ACER3: variants seen among roughly 807,000 people sequenced by gnomAD.
ACER3 encodes the protein alkCDase 3.
Under a neutral mutation model 48.9 loss-of-function variants are expected in ACER3, and 16 were observed. The ratio of observed to expected loss-of-function variants is 0.33; its 90% CI spans 0.22 to 0.50. The LOEUF is 0.50. Ranked by LOEUF, ACER3 falls within the 20% of genes least tolerant of loss-of-function variation. The pLI is 0.98. For missense variants in ACER3, 227 were observed against 326.0 expected (o/e 0.70, Z 2.34); for synonymous variants, 109 against 107.8 (o/e 1.01, Z -0.07).
intron 1 of ACER3, among the ~76,000 whole-genome samples, chr11:76,879,464 G>A (rs984264306): frequency 6.6e-6 from 1 of 152,136 alleles, no homozygotes; most frequent in Non-Finnish European, 1.5e-5. Context: ...AGGACCTCCA[G>A]GGCAATGTTG....
chr11:76,918,374 G>A (rs527476497), intron 1 of ACER3, among the ~76,000 whole-genome samples: 3 of 151,780 alleles, frequency 2.0e-5, no homozygotes, highest in South Asian at 2.1e-4. Flanking sequence ...TAAGCTTAGC[G>A]TGAACCAGTG....
chr11:76,867,494 A>AAG (rs1945125367), intron 1 of ACER3, among the ~76,000 whole-genome samples: 1 of 39,868 alleles, frequency 2.5e-5, no homozygotes, highest in African/African-American at 5.0e-5. Flanking sequence ...AAAAAAAAAA[A>AAG]AAAGAAAGAA....
intron 1 of ACER3, among the ~76,000 whole-genome samples, chr11:76,901,662 G>A (rs1946086141): frequency 6.6e-6 from 1 of 152,188 alleles, no homozygotes; most frequent in Non-Finnish European, 1.5e-5. Flanking sequence ...ACAACTCTAA[G>A]GGGGTGCATG....
chr11:76,981,612 T>G (rs1322883619), intron 4 of ACER3, among the ~76,000 whole-genome samples: 5 of 152,254 alleles, frequency 3.3e-5, no homozygotes, highest in Non-Finnish European at 5.9e-5. Flanking sequence ...TTGTCTGCTC[T>G]GGAATTTTAT....
chr11:76,872,356 G>A (rs1051022973), intron 1 of ACER3, among the ~76,000 whole-genome samples: 5 of 152,038 alleles, frequency 3.3e-5, no homozygotes, highest in African/African-American at 4.8e-5. Context: ...GATTACAGGC[G>A]TGAGCCACCA....
At chr11:76,936,873 T>C (rs1412238302) in intron 2 of ACER3, among the ~76,000 whole-genome samples, 1 of 151,978 alleles carries the variant, frequency 6.6e-6, no homozygotes, top group African/African-American at 2.4e-5. Flanking sequence ...TGCACCACCA[T>C]GCCCAGCTAA....
At chr11:76,930,268 A>T (rs1192690431) in intron 2 of ACER3, among the ~76,000 whole-genome samples, 1 of 152,136 alleles carries the variant, frequency 6.6e-6, no homozygotes, top group East Asian at 1.9e-4. Flanking sequence ...TGTTTATAAT[A>T]TTCTGTGATG....
At chr11:76,995,076 CAA>C (rs987244460) in intron 6 of ACER3, among the ~76,000 whole-genome samples, 28 of 152,006 alleles carry the variant, frequency 1.8e-4, no homozygotes, top group Admixed American at 7.2e-4. Flanking sequence ...TGATATGAAA[CAA>C]TACACTATAG....
rs376660863 is a variant in ACER3, at chr11:76,913,460, G to C, written c.104-13097G>C. Among the ~76,000 whole-genome samples, 94 of 152,258 alleles carry C rather than the reference G, an allele frequency of 6.2e-4. No individual in the cohort carries two copies. The East Asian group carries it at 9.8e-3, about 16-fold the overall frequency. The stretch of plus-strand genomic sequence containing the variant: ...CTTGTCTTGTGCCAGTTTTCAAAGG[G>C]AATGCTTCCAGTTTTTGCCCATTCA... On this transcript the variant is annotated intron_variant, in intron 1 of 10. Transcript: ENST00000532485.
At chr11:76,892,585 C>T (rs891232411) in intron 1 of ACER3, among the ~76,000 whole-genome samples, 3 of 152,110 alleles carry the variant, frequency 2.0e-5, no homozygotes, top group Non-Finnish European at 2.9e-5. Flanking sequence ...AGCTGACACT[C>T]GCTCAGTGAG....
At chr11:76,968,654 C>T (rs1948208266) in intron 3 of ACER3, among the ~76,000 whole-genome samples, 1 of 152,232 alleles carries the variant, frequency 6.6e-6, no homozygotes, top group Non-Finnish European at 1.5e-5. Context: ...CTACAACTAT[C>T]TGATCTTTGA....
At chr11:76,981,707 A>G (rs754580092) in intron 4 of ACER3, among the ~76,000 whole-genome samples, 1 of 152,194 alleles carries the variant, frequency 6.6e-6, no homozygotes, top group Non-Finnish European at 1.5e-5. Flanking sequence ...TAATTTGCCA[A>G]TTACTTTTGA....
Position 77,023,441 on chromosome 11 carries a change from GC to G in ACER3, c.*3116del. The G allele has an allele frequency of 2.9e-6, 1 of 340,144 alleles. No homozygotes were observed. The highest frequency in any genetic ancestry group is 4.1e-5 in the East Asian group (1 of 24,668). 21.1% of individuals were successfully genotyped at this position (340,144 alleles called of 1,614,324 possible). On this transcript the variant is annotated 3_prime_UTR_variant, in exon 11 of 11. Coordinates refer to ENST00000532485, the MANE Select transcript of ACER3 (RefSeq NM_018367.7). ...TATAATACCAGCCAATTCTGAATTA[GC>G]CAATGCCCTAAAAGCATCTAACAAT... is the stretch of plus-strand genomic sequence containing the variant.
chr11:76,981,807 G>T (rs1365295827), intron 4 of ACER3, among the ~76,000 whole-genome samples: 2 of 152,154 alleles, frequency 1.3e-5, no homozygotes, highest in African/African-American at 4.8e-5. Context: ...GTTATTGCCA[G>T]TTTGGGGCTA....
intron 1 of ACER3, among the ~76,000 whole-genome samples, chr11:76,894,001 A>G (rs2134633733): frequency 6.6e-6 from 1 of 152,328 alleles, no homozygotes; most frequent in South Asian, 2.1e-4. Context: ...GTTAAAAACT[A>G]AATTACCAGC....
At chr11:76,893,116 G>C (rs1288075324) in intron 1 of ACER3, among the ~76,000 whole-genome samples, 3 of 152,152 alleles carry the variant, frequency 2.0e-5, no homozygotes, top group African/African-American at 7.2e-5. Context: ...CCTCTGTGAG[G>C]AATACTACAG....
At chr11:77,018,619 A>G (rs1179400304) in intron 9 of ACER3, among the ~76,000 whole-genome samples, 10 of 152,252 alleles carry the variant, frequency 6.6e-5, no homozygotes, top group Admixed American at 6.5e-4. Flanking sequence ...TTCTTGAAGG[A>G]AATTAAAAGT....
intron 3 of ACER3, among the ~76,000 whole-genome samples, chr11:76,975,312 G>T (rs1948412983): frequency 6.6e-6 from 1 of 152,056 alleles, no homozygotes; most frequent in Non-Finnish European, 1.5e-5. Context: ...TTTTATTAAA[G>T]AATTAATTAA....
intron 3 of ACER3, among the ~76,000 whole-genome samples, chr11:76,972,097 C>G (rs990176359): frequency 1.8e-4 from 27 of 152,170 alleles, no homozygotes; most frequent in Admixed American, 1.4e-3. Context: ...TAGTTTCCCT[C>G]ATTGTGGATG....
Sources: gnomAD v4.1 joint callset for allele counts (sites outside exome capture counted in the v4.1 genomes callset) on GRCh38, gnomAD v4.1.1 for gene constraint, MANE v1.5 for transcripts, NCBI Gene and HGNC (gene_info 2026-07-23, HGNC 2026-07-21) for gene names.